The following TVP23A variants were observed in gnomAD, a reference collection of about 807,000 sequenced individuals.
TVP23A encodes the protein trans-golgi network vesicle protein 23 homolog A.
TVP23A carries 21 observed loss-of-function variants against 31.7 expected under a neutral mutation model. The ratio of observed to expected loss-of-function variants is 0.66; its 90% CI spans 0.47 to 0.95. The LOEUF (loss-of-function observed/expected upper bound fraction) is 0.95, where lower values mean the gene tolerates loss of function less well. TVP23A is among the 40% of genes least tolerant of loss of function. The probability of loss-of-function intolerance (pLI) is 0.00; values close to 1 mark genes in which losing one functional copy is unlikely to be tolerated. For missense variants in TVP23A, 279 were observed against 255.6 expected, an observed-to-expected ratio of 1.09 and a Z score of -0.62; for synonymous variants, 104 against 96.0, an observed-to-expected ratio of 1.08 and a Z score of -0.49.
intron 2 of TVP23A, chr16:10,775,342 C>T (rs1350850299): frequency 1.5e-6 from 2 of 1,318,988 alleles, no homozygotes; most frequent in Non-Finnish European, 1.9e-6. Flanking sequence ...TTTCCCGCCA[C>T]TTGACTCCAA....
chr16:10,785,319 G>T (rs1477473142), intron 2 of TVP23A, among the ~76,000 whole-genome samples: 1 of 150,326 alleles, frequency 6.7e-6, no homozygotes, highest in South Asian at 2.1e-4. Flanking sequence ...CACGAGAATC[G>T]CTTGAACTGG....
Position 10,818,367 on chromosome 16 carries a change from G to C in TVP23A, c.9+118C>G, listed in dbSNP as rs1486880264. Reference sequence around the variant, plus strand: ...GCCCTCTCCACCCTCCCGACCACCGGGTGCAGCCCAGCCCCAGGCCCCGGC... The same window carrying C: ...GCCCTCTCCACCCTCCCGACCACCGCGTGCAGCCCAGCCCCAGGCCCCGGC... On this transcript the variant is annotated intron_variant, in intron 1 of 7. Coordinates refer to ENST00000299866, the MANE Select transcript of TVP23A (RefSeq NM_001079512.4). The surrounding 1 kb of genome is among the most constrained non-coding windows in gnomAD (Gnocchi z 4.7). The C allele has an allele frequency of 8.9e-6, 13 of 1,465,562 alleles. No individual in the cohort carries two copies. Among genetic ancestry groups the C allele is most frequent in the East Asian group, 2.5e-5 (1 of 40,512 alleles). 90.8% of individuals were successfully genotyped at this position (1,465,562 alleles called of 1,614,324 possible).
chr16:10,786,914 T>A (rs567439473), intron 2 of TVP23A, among the ~76,000 whole-genome samples: 4 of 151,338 alleles, frequency 2.6e-5, no homozygotes, highest in African/African-American at 9.7e-5. Context: ...TCTGGGTACC[T>A]AGATGGCCCA....
downstream of TVP23A, among the ~76,000 whole-genome samples, chr16:10,765,819 T>G (rs532959201): frequency 3.8e-4 from 58 of 152,350 alleles, 1 homozygote; most frequent in Middle Eastern, 0.01. The surrounding 1 kb of genome is among the most constrained non-coding windows in gnomAD (Gnocchi z 4.0). Context: ...CATTCTGAGC[T>G]GAGAACATTA....
chr16:10,774,235 C>A, intron 3 of TVP23A, 107 bp from the exon 4 acceptor site: 1 of 774,942 alleles, frequency 1.3e-6, no homozygotes, highest in Non-Finnish European at 2.0e-6. Context: ...GTACTGGGAG[C>A]AGGAAGAAAA....
At chr16:10,798,338 G>A (rs189776671) in intron 2 of TVP23A, among the ~76,000 whole-genome samples, 5 of 152,064 alleles carry the variant, frequency 3.3e-5, no homozygotes, top group African/African-American at 4.8e-5. Flanking sequence ...GTGTGACCTT[G>A]AGCAAGTAAG....
intron 2 of TVP23A, 62 bp from the exon 3 acceptor site, chr16:10,775,158 C>T: frequency 1.3e-6 from 2 of 1,547,776 alleles, no homozygotes; most frequent in East Asian, 2.4e-5. Flanking sequence ...ACTGAACTCC[C>T]TTTACCACTT....
chr16:10,774,251 C>T (rs756865900), intron 3 of TVP23A, 123 bp from the exon 4 acceptor site: 2 of 645,518 alleles, frequency 3.1e-6, no homozygotes, highest in Non-Finnish European at 5.1e-6. Flanking sequence ...GAAAAAAGGC[C>T]TTGAATTGTA....
At position 10,769,111 on chromosome 16, in the gene TVP23A, G is replaced by A. The variant is rs527993353; in HGVS notation, c.*1-10C>T. 14 of 1,613,554 alleles carry A rather than the reference G, an allele frequency of 8.7e-6. 1 individual carries two copies. In the Admixed American group the frequency reaches 2.0e-4, roughly 23 times the overall value. The stretch of plus-strand genomic sequence containing the variant: ...AGAACCTCATCAGTTCCTGAAACGA[G>A]AGAATGTTCAGGACCAAGCAGTTAC... On this transcript the variant is annotated splice_polypyrimidine_tract_variant and intron_variant, in intron 7 of 7. Coordinates refer to ENST00000299866, the MANE Select transcript of TVP23A (RefSeq NM_001079512.4).
rs1400729569 is a variant in TVP23A at position 10,818,234 on chromosome 16, A to T, written c.10-52T>A. 4.4e-6 allele frequency: 6 copies of T among 1,376,200 alleles called. No homozygotes were observed. Among genetic ancestry groups the T allele is most frequent in the Non-Finnish European group, 6.0e-6 (6 of 1,003,894 alleles). 85.2% of individuals were successfully genotyped at this position (1,376,200 alleles called of 1,614,324 possible). On this transcript the variant is annotated intron_variant, in intron 1 of 7. Coordinates refer to ENST00000299866, the MANE Select transcript of TVP23A (RefSeq NM_001079512.4). The surrounding 1 kb of genome is among the most constrained non-coding windows in gnomAD (Gnocchi z 4.7). ...AGGCCCAAGCACGGCGCACACCCCA[A>T]CCCCACCCGCCCTGTCCTCCTGGGC... is the stretch of plus-strand genomic sequence containing the variant.
rs193211436 is a variant in TVP23A, at chr16:10,808,523, G to A, written c.89+9580C>T. 25 of 455,198 alleles carry A rather than the reference G, an allele frequency of 5.5e-5. No individual in the cohort carries two copies. In the East Asian group the frequency reaches 6.9e-4, roughly 13 times the overall value. 28.2% of individuals were successfully genotyped at this position (455,198 alleles called of 1,614,324 possible). A position where few individuals can be genotyped will look rare whatever the true frequency, so the allele number is the denominator to read the frequency against. Reference sequence around the variant, plus strand: ...CCAAGAAATAATAAGCAGGCTGGGTGCAGTGGCTCATACCTTTAATCCCAG... The same window carrying A: ...CCAAGAAATAATAAGCAGGCTGGGTACAGTGGCTCATACCTTTAATCCCAG... On this transcript the variant is annotated intron_variant, in intron 2 of 7. Transcript: ENST00000299866.
downstream of TVP23A, chr16:10,765,280 C>T (rs958744651): frequency 2.8e-5 from 4 of 144,634 alleles, no homozygotes; most frequent in Non-Finnish European, 6.0e-5. The surrounding 1 kb of genome is among the most constrained non-coding windows in gnomAD (Gnocchi z 4.0). Flanking sequence ...CACACACACA[C>T]ACAACCATGC....
intron 2 of TVP23A, among the ~76,000 whole-genome samples, chr16:10,806,429 T>C (rs2033948094): frequency 6.6e-6 from 1 of 151,940 alleles, no homozygotes; most frequent in Non-Finnish European, 1.5e-5. Context: ...ACCTGGCCAA[T>C]GTCCTCTCCC....
chr16:10,761,584 G>C, intron 8 of TVP23A: 1 of 1,077,172 alleles, frequency 9.3e-7, no homozygotes, highest in Non-Finnish European at 1.4e-6. Flanking sequence ...ATTTTGGGAA[G>C]TGGAATCACA....
At chr16:10,799,484 C>T (rs190233496) in intron 2 of TVP23A, among the ~76,000 whole-genome samples, 14 of 152,302 alleles carry the variant, frequency 9.2e-5, no homozygotes, top group Non-Finnish European at 1.9e-4. Context: ...CAGGTGCCTA[C>T]TACCACGCCT....
rs1192287357 is a variant in TVP23A at position 10,803,412 on chromosome 16, C to G, written c.89+14691G>C. ...CCATCTACCAGGTGGAGGGCCAGGT[C>G]AGAGGGCAGTGAACAGGCTGGACAA... is the stretch of plus-strand genomic sequence containing the variant. On this transcript the variant is annotated intron_variant, in intron 2 of 7. Transcript: ENST00000299866. Among the ~76,000 whole-genome samples the G allele has an allele frequency of 2.0e-5, 3 of 152,152 alleles. No individual in the cohort carries two copies. The East Asian group carries it at 5.8e-4, about 29-fold the overall frequency.
At chr16:10,761,883 G>A (rs1256025237), downstream of TVP23A, 4 of 1,566,626 alleles carry the variant, frequency 2.6e-6, no homozygotes, top group Non-Finnish European at 3.5e-6. Context: ...GTGTGGGGCG[G>A]CACCTCACTC....
intron 2 of TVP23A, among the ~76,000 whole-genome samples, chr16:10,789,143 A>G (rs2032946123): frequency 6.6e-6 from 1 of 152,170 alleles, no homozygotes; most frequent in Non-Finnish European, 1.5e-5. Context: ...CAAGGTTTTT[A>G]TATCACAGAT....
At chr16:10,798,252 C>T (rs962635284) in intron 2 of TVP23A, among the ~76,000 whole-genome samples, 6 of 151,902 alleles carry the variant, frequency 3.9e-5, no homozygotes, top group African/African-American at 1.2e-4. Context: ...CGCCCGCGCC[C>T]GGCCTTTTTT....
Sources: gnomAD v4.1 joint callset for allele counts (sites outside exome capture counted in the v4.1 genomes callset) on GRCh38, gnomAD v4.1.1 for gene constraint, Gnocchi (gnomAD v3.1) non-coding constraint, MANE v1.5 for transcripts, NCBI Gene and HGNC (gene_info 2026-07-23, HGNC 2026-07-21) for gene names.